The following OR1J2 variants were observed in gnomAD, a reference collection of about 807,000 sequenced individuals.
OR1J2 encodes the protein olfactory receptor family 1 subfamily J member 2.
For missense variants in OR1J2, 304 were observed against 246.1 expected (o/e 1.24, Z -1.57); for synonymous variants, 142 against 99.7 (o/e 1.42, Z -2.52).
chr9:122,491,196 G>C, the OR1J2 span, among the ~76,000 whole-genome samples: 4 of 152,284 alleles, frequency 2.6e-5, no homozygotes, highest in African/African-American at 9.6e-5. Context: ...ACAGCTGAGT[G>C]TATGGTTGTG....
At chr9:122,481,027 C>G in the OR1J2 span, among the ~76,000 whole-genome samples, 1 of 152,108 alleles carries the variant, frequency 6.6e-6, no homozygotes, top group Non-Finnish European at 1.5e-5. Context: ...ATCTCTTGAC[C>G]TTGTGATCTG....
the OR1J2 span, among the ~76,000 whole-genome samples, chr9:122,463,703 A>G: frequency 6.6e-6 from 1 of 152,070 alleles, no homozygotes; most frequent in African/African-American, 2.4e-5. Flanking sequence ...TCTCTTCTCA[A>G]TCTAGCCACC....
the OR1J2 span, among the ~76,000 whole-genome samples, chr9:122,536,941 A>G: frequency 6.6e-6 from 1 of 152,184 alleles, no homozygotes; most frequent in Non-Finnish European, 1.5e-5. Flanking sequence ...TAATAGTACC[A>G]TGCTGTTTTC....
At chr9:122,508,206 AAGG>A (rs948559123), upstream of OR1J2, among the ~76,000 whole-genome samples, 11 of 150,358 alleles carry the variant, frequency 7.3e-5, no homozygotes, top group East Asian at 2.0e-4. Flanking sequence ...GAAGGAGGAG[AAGG>A]AGGAGGAGGA....
the OR1J2 span, among the ~76,000 whole-genome samples, chr9:122,520,620 CA>C: frequency 1.3e-5 from 2 of 152,236 alleles, no homozygotes; most frequent in African/African-American, 4.8e-5. Context: ...TTTCATTCAA[CA>C]GTTCACTTTC....
the OR1J2 span, among the ~76,000 whole-genome samples, chr9:122,525,564 G>GC: frequency 6.6e-6 from 1 of 152,070 alleles, no homozygotes; most frequent in African/African-American, 2.4e-5. Flanking sequence ...AGCTGCTGGT[G>GC]CCCCTTTTAG....
chr9:122,574,324 T>C, the OR1J2 span, among the ~76,000 whole-genome samples: 4 of 152,214 alleles, frequency 2.6e-5, no homozygotes, highest in African/African-American at 9.6e-5. Flanking sequence ...ATATTGAGCC[T>C]TCTTATTCAT....
At chr9:122,552,086 C>CACAG in the OR1J2 span, among the ~76,000 whole-genome samples, 14 of 150,734 alleles carry the variant, frequency 9.3e-5, no homozygotes, top group East Asian at 1.2e-3. Context: ...CTCTCACACA[C>CACAG]ACACACATAT....
the OR1J2 span, among the ~76,000 whole-genome samples, chr9:122,559,426 A>G: frequency 6.6e-6 from 1 of 152,014 alleles, no homozygotes; most frequent in Non-Finnish European, 1.5e-5. Context: ...TAGAGTGTCA[A>G]TTTTAGATCT....
At chr9:122,448,381 A>G in the OR1J2 span, among the ~76,000 whole-genome samples, 3 of 152,106 alleles carry the variant, frequency 2.0e-5, no homozygotes, top group Admixed American at 6.5e-5. Context: ...GAATAGAACA[A>G]ATGTACAATC....
the OR1J2 span, among the ~76,000 whole-genome samples, chr9:122,536,500 A>G: frequency 6.6e-6 from 1 of 152,262 alleles, no homozygotes; most frequent in Admixed American, 6.5e-5. Flanking sequence ...ACTGGAAACC[A>G]GATGGATGCA....
chr9:122,528,371 C>T, the OR1J2 span, among the ~76,000 whole-genome samples: 13 of 152,206 alleles, frequency 8.5e-5, no homozygotes, highest in South Asian at 1.0e-3. Context: ...CCGAGGCAGG[C>T]GGATCTACCT....
chr9:122,579,349 A>G, the OR1J2 span, among the ~76,000 whole-genome samples: 1 of 152,178 alleles, frequency 6.6e-6, no homozygotes, highest in East Asian at 1.9e-4. Flanking sequence ...AAAATTGAAT[A>G]CATTTAAAAA....
chr9:122,548,131 G>C, the OR1J2 span, among the ~76,000 whole-genome samples: 1 of 152,106 alleles, frequency 6.6e-6, no homozygotes, highest in Admixed American at 6.6e-5. Flanking sequence ...TTTAATACAA[G>C]TTTTACATGA....
upstream of OR1J2, among the ~76,000 whole-genome samples, chr9:122,506,755 G>A (rs1457373383): frequency 6.6e-6 from 1 of 152,114 alleles, no homozygotes; most frequent in Non-Finnish European, 1.5e-5. Context: ...GAGGAAGAGA[G>A]AGAAGGAAGG....
At chr9:122,502,413 C>G in the OR1J2 span, among the ~76,000 whole-genome samples, 1 of 152,198 alleles carries the variant, frequency 6.6e-6, no homozygotes, top group Non-Finnish European at 1.5e-5. Context: ...ACCATCCATC[C>G]TTGATTCCCC....
At chr9:122,481,473 C>T in the OR1J2 span, among the ~76,000 whole-genome samples, 1 of 151,590 alleles carries the variant, frequency 6.6e-6, no homozygotes, top group Admixed American at 6.6e-5. Flanking sequence ...ATAGAGAACT[C>T]CTATAAATCA....
chr9:122,499,465 A>G, the OR1J2 span, among the ~76,000 whole-genome samples: 1 of 152,070 alleles, frequency 6.6e-6, no homozygotes, highest in Non-Finnish European at 1.5e-5. Flanking sequence ...ATGCCTGGAG[A>G]TCTGCCTGGG....
chr9:122,510,884 T>C lies in OR1J2; in HGVS notation c.83T>C (p.Phe28Ser). ...CGGCCAGAGCAGCAGGCTGTGTTCT[T>C]CACCCTGTTCCTGGGCATGTACCTG... ...PIRPEQQAVF[F>S]TLFLGMYLTT... is the part of the protein sequence containing the mutation. The change falls in exon 1 of 1, where the codon TTC (phenylalanine) becomes TCC (serine). Residue 28 changes from phenylalanine (F) to serine (S), a missense_variant. Phe to Ser is a radical substitution (Grantham distance 155). Transcript: ENST00000335302. The C allele has an allele frequency of 1.2e-6, 2 of 1,611,402 alleles. No homozygotes were observed. Among genetic ancestry groups the C allele is most frequent in the South Asian group, 2.2e-5 (2 of 91,024 alleles).
Sources: allele counts gnomAD v4.1 joint callset (sites outside exome capture counted in the v4.1 genomes callset), GRCh38; gene constraint gnomAD v4.1.1; transcripts MANE v1.5; gene names NCBI Gene and HGNC (gene_info 2026-07-23, HGNC 2026-07-21).